CEP70: variants seen among roughly 807,000 people sequenced by gnomAD.
CEP70 encodes the protein centrosomal protein 70.
CEP70 carries 70 observed loss-of-function variants against 90.9 expected under a neutral mutation model. That is an observed-to-expected ratio of 0.77 (90% CI 0.64 to 0.94). The LOEUF is 0.94. Ranked by LOEUF, CEP70 falls within the 40% of genes least tolerant of loss-of-function variation. The pLI is 0.00. For synonymous variants in CEP70, 220 were observed against 228.3 expected, an observed-to-expected ratio of 0.96 and a Z score of 0.33; for missense variants, 648 against 669.0, an observed-to-expected ratio of 0.97 and a Z score of 0.35.
At chr3:138,582,587 T>G (rs984600892) in intron 2 of CEP70, among the ~76,000 whole-genome samples, 28 of 151,226 alleles carry the variant, frequency 1.9e-4, no homozygotes, top group African/African-American at 6.6e-4. Flanking sequence ...CTGGCCAACA[T>G]AGTGAAACCC....
chr3:138,517,675 T>C (rs1011314719), intron 11 of CEP70, among the ~76,000 whole-genome samples: 3 of 151,880 alleles, frequency 2.0e-5, no homozygotes, highest in African/African-American at 7.3e-5. Context: ...TCTCAAAAAA[T>C]AAATAAATAA....
intron 6 of CEP70, among the ~76,000 whole-genome samples, chr3:138,556,450 C>T (rs566870688): frequency 6.8e-6 from 1 of 146,520 alleles, no homozygotes; most frequent in Non-Finnish European, 1.5e-5. Flanking sequence ...ATTGCTTGAA[C>T]CCGGGAGGCA....
intron 11 of CEP70, among the ~76,000 whole-genome samples, chr3:138,525,111 G>T (rs1241440935): frequency 6.6e-6 from 1 of 152,118 alleles, no homozygotes; most frequent in Non-Finnish European, 1.5e-5. Flanking sequence ...CATGTCCTTT[G>T]TAGGGACATG....
At position 138,571,265 on chromosome 3, in the gene CEP70, C is replaced by A; in HGVS notation, c.160+1G>T. The stretch of plus-strand genomic sequence containing the variant: ...AAGCATCAAGAATAGGATCTAATTA[C>A]CTTTGAGATCTGTTCTTTTGACTAG... On this transcript the variant is annotated splice_donor_variant, in intron 4 of 17. Transcript: ENST00000264982. LOFTEE classifies it high-confidence loss of function. The A allele has an allele frequency of 6.2e-7, 1 of 1,600,934 alleles. No individual in the cohort carries two copies. Among genetic ancestry groups the A allele is most frequent in the South Asian group, 1.1e-5 (1 of 88,530 alleles).
chr3:138,585,508 T>C lies in CEP70; in HGVS notation c.-6+6346A>G, dbSNP rs116379508. Among the ~76,000 whole-genome samples the C allele has an allele frequency of 3.9e-3, 589 of 152,196 alleles. 3 individuals carry two copies. The highest frequency in any genetic ancestry group is 0.014 in the African/African-American group (575 of 41,548). On this transcript the variant is annotated intron_variant, in intron 2 of 17. Coordinates refer to ENST00000264982, the MANE Select transcript of CEP70 (RefSeq NM_024491.4). ...GATTCAATGCAAATGCCTAGCAAAA[T>C]ACCAATGACATTCTTCACAGAAATA...
chr3:138,581,955 G>T (rs1352671224), intron 2 of CEP70, among the ~76,000 whole-genome samples: 2 of 152,080 alleles, frequency 1.3e-5, no homozygotes, highest in African/African-American at 4.8e-5. Context: ...TATAGGCCAA[G>T]AGTGGCATGA....
At chr3:138,576,349 T>C (rs533991671) in intron 2 of CEP70, among the ~76,000 whole-genome samples, 12 of 151,984 alleles carry the variant, frequency 7.9e-5, no homozygotes, top group African/African-American at 2.7e-4. Flanking sequence ...TCAAAAGAGA[T>C]AAAGAAGACC....
chr3:138,579,699 G>T (rs977741621), intron 2 of CEP70, among the ~76,000 whole-genome samples: 6 of 151,840 alleles, frequency 4.0e-5, no homozygotes, highest in African/African-American at 1.5e-4. Context: ...CTTGGGCACT[G>T]AATAATCAGC....
At chr3:138,511,467 A>G (rs2035531884) in intron 11 of CEP70, among the ~76,000 whole-genome samples, 1 of 152,254 alleles carries the variant, frequency 6.6e-6, no homozygotes, top group East Asian at 1.9e-4. Context: ...CTGAATTTAA[A>G]TGTTACTTCC....
At chr3:138,581,575 C>T (rs535499736) in intron 2 of CEP70, among the ~76,000 whole-genome samples, 14 of 150,734 alleles carry the variant, frequency 9.3e-5, no homozygotes, top group African/African-American at 1.5e-4. Context: ...CAGTGGCACA[C>T]GCATGTAATC....
chr3:138,539,407 T>G (rs1223436272), intron 6 of CEP70, among the ~76,000 whole-genome samples: 1 of 152,158 alleles, frequency 6.6e-6, no homozygotes, highest in Non-Finnish European at 1.5e-5. Context: ...ATTCAAAAAC[T>G]CAGTGAACTC....
At chr3:138,546,773 A>C (rs2039239844) in intron 6 of CEP70, among the ~76,000 whole-genome samples, 2 of 152,176 alleles carry the variant, frequency 1.3e-5, no homozygotes, top group Middle Eastern at 3.4e-3. Flanking sequence ...AATAAAAAAA[A>C]ACAAAAAACA....
intron 11 of CEP70, among the ~76,000 whole-genome samples, chr3:138,515,306 C>T (rs2035903600): frequency 6.6e-6 from 1 of 151,756 alleles, no homozygotes; most frequent in Admixed American, 6.6e-5. Flanking sequence ...AACTCATGGA[C>T]AACAGCACTC....
At chr3:138,499,867 C>A (rs7653815) in intron 16 of CEP70, 154,763 of 385,382 alleles carry the variant, frequency 0.4, 33,455 homozygotes, top group Middle Eastern at 0.46. Context: ...GATGCTATTC[C>A]AAACAGGGAA....
intron 6 of CEP70, among the ~76,000 whole-genome samples, chr3:138,548,559 TTCAAA>T (rs2039386640): frequency 6.6e-6 from 1 of 152,234 alleles, no homozygotes; most frequent in Non-Finnish European, 1.5e-5. Context: ...AATCTTAGGC[TTCAAA>T]TAATTCCCAT....
intron 1 of CEP70, among the ~76,000 whole-genome samples, chr3:138,593,325 C>A (rs1576985066): frequency 6.6e-6 from 1 of 152,152 alleles, no homozygotes; most frequent in East Asian, 1.9e-4. Context: ...CGAGTTCAAG[C>A]GATTCTGCTG....
At chr3:138,578,167 T>C (rs1224627962) in intron 2 of CEP70, among the ~76,000 whole-genome samples, 1 of 152,200 alleles carries the variant, frequency 6.6e-6, no homozygotes, top group Non-Finnish European at 1.5e-5. Context: ...CTGCAGTCGG[T>C]TGAATCTGTG....
intron 2 of CEP70, among the ~76,000 whole-genome samples, chr3:138,575,426 A>G (rs898589947): frequency 9.2e-5 from 14 of 152,212 alleles, no homozygotes; most frequent in Non-Finnish European, 1.8e-4. Flanking sequence ...GAATGAACAA[A>G]GCCTCCAAGA....
chr3:138,547,520 C>T (rs2039304158), intron 6 of CEP70, among the ~76,000 whole-genome samples: 1 of 152,306 alleles, frequency 6.6e-6, no homozygotes, highest in South Asian at 2.1e-4. Context: ...TTCGTTCTCA[C>T]CATAGATCTT....
Sources: gnomAD v4.1 joint callset for allele counts (sites outside exome capture counted in the v4.1 genomes callset) on GRCh38, gnomAD v4.1.1 for gene constraint, MANE v1.5 for transcripts, NCBI Gene and HGNC (gene_info 2026-07-23, HGNC 2026-07-21) for gene names.